Variants in HIVEP2 observed in about 807,000 individuals in gnomAD.
The protein encoded by HIVEP2 is transcription factor HIVEP2.
HIVEP2 carries 14 observed loss-of-function variants against 180.7 expected under a neutral mutation model. The observed-to-expected ratio is 0.08, with a 90% CI of 0.05 to 0.12. The LOEUF is 0.12. HIVEP2 is among the 10% of genes least tolerant of loss of function. The pLI is 1.00. For missense variants in HIVEP2, 2,579 were observed against 3,008.5 expected (o/e 0.86, Z 3.34); for synonymous variants, 1,184 against 1,136.4 (o/e 1.04, Z -0.84).
intron 2 of HIVEP2, among the ~76,000 whole-genome samples, chr6:142,825,972 A>T (rs1774888664): frequency 6.6e-6 from 1 of 152,132 alleles, no homozygotes; most frequent in South Asian, 2.1e-4. Flanking sequence ...TTTAAAATAA[A>T]GCAATAAATA....
At chr6:142,825,049 T>C (rs544078961) in intron 2 of HIVEP2, among the ~76,000 whole-genome samples, 87 of 152,308 alleles carry the variant, frequency 5.7e-4, no homozygotes, top group Non-Finnish European at 1.1e-3. Flanking sequence ...ACAAATCTTG[T>C]AGCAAGTTTT....
intron 1 of HIVEP2, among the ~76,000 whole-genome samples, chr6:142,855,103 G>T (rs1775784827): frequency 6.6e-6 from 1 of 152,210 alleles, no homozygotes; most frequent in Admixed American, 6.5e-5. Context: ...TGGCTCCAAA[G>T]AAAGTAGGTA....
intron 1 of HIVEP2, among the ~76,000 whole-genome samples, chr6:142,868,666 A>C (rs966964085): frequency 1.2e-4 from 18 of 152,316 alleles, no homozygotes; most frequent in African/African-American, 3.6e-4. Context: ...TCCATCTTTG[A>C]AAGTTTTTAA....
chr6:142,868,837 A>G (rs1776212139), intron 1 of HIVEP2, among the ~76,000 whole-genome samples: 1 of 152,238 alleles, frequency 6.6e-6, no homozygotes, highest in Admixed American at 6.5e-5. Context: ...CACTTATCCT[A>G]ACCCATGTTG....
At chr6:142,834,149 T>A (rs1775164647) in intron 2 of HIVEP2, among the ~76,000 whole-genome samples, 1 of 152,094 alleles carries the variant, frequency 6.6e-6, no homozygotes, top group Non-Finnish European at 1.5e-5. Flanking sequence ...TAGAATGAAT[T>A]AAAAGGGTTT....
At chr6:142,824,036 T>C (rs796414228) in intron 2 of HIVEP2, among the ~76,000 whole-genome samples, 1 of 152,178 alleles carries the variant, frequency 6.6e-6, no homozygotes, top group South Asian at 2.1e-4. Context: ...TTATTCTAAT[T>C]TACATATATG....
At chr6:142,837,200 C>T (rs1196640855) in intron 1 of HIVEP2, among the ~76,000 whole-genome samples, 153 bp from the exon 2 acceptor site, 1 of 152,000 alleles carries the variant, frequency 6.6e-6, no homozygotes, top group African/African-American at 2.4e-5. Context: ...ACAACAAAAG[C>T]GTCTAGGAAT....
At chr6:142,799,273 C>T (rs1776351529) in intron 2 of HIVEP2, among the ~76,000 whole-genome samples, 1 of 152,082 alleles carries the variant, frequency 6.6e-6, no homozygotes, top group Non-Finnish European at 1.5e-5. Context: ...TGTATTATGT[C>T]ATAATGACTA....
At chr6:142,915,503 T>G (rs1777528193) in intron 1 of HIVEP2, among the ~76,000 whole-genome samples, 1 of 152,134 alleles carries the variant, frequency 6.6e-6, no homozygotes, top group Non-Finnish European at 1.5e-5. Flanking sequence ...ACTTGCAGCC[T>G]CCAGAACTGT....
intron 2 of HIVEP2, among the ~76,000 whole-genome samples, chr6:142,824,829 A>T (rs1326365549): frequency 6.6e-6 from 1 of 152,186 alleles, no homozygotes; most frequent in African/African-American, 2.4e-5. Context: ...CTTAGGGGTG[A>T]GGGAGGGGTG....
At chr6:142,796,474 G>T (rs1012817179) in intron 2 of HIVEP2, among the ~76,000 whole-genome samples, 1 of 152,108 alleles carries the variant, frequency 6.6e-6, no homozygotes, top group Non-Finnish European at 1.5e-5. Context: ...TAGAAAAAAT[G>T]TTATTAAGAA....
chr6:142,818,666 C>CA (rs1159524001), intron 2 of HIVEP2, among the ~76,000 whole-genome samples: 10 of 22,570 alleles, frequency 4.4e-4, no homozygotes, highest in Admixed American at 8.1e-4. Flanking sequence ...AAAACTCTGT[C>CA]AAAAAAAAAA....
At chr6:142,853,368 G>T (rs948082441) in intron 1 of HIVEP2, among the ~76,000 whole-genome samples, 19 of 152,272 alleles carry the variant, frequency 1.2e-4, no homozygotes, top group East Asian at 9.7e-4. Context: ...CTTGTAACAG[G>T]TGCTAGCACC....
intron 2 of HIVEP2, among the ~76,000 whole-genome samples, chr6:142,829,560 G>A (rs1234236944): frequency 1.3e-5 from 2 of 152,168 alleles, no homozygotes; most frequent in African/African-American, 2.4e-5. Context: ...GTACTAGTCC[G>A]ATTTCTATTT....
chr6:142,837,729 T>C (rs554565357), intron 1 of HIVEP2, among the ~76,000 whole-genome samples: 1 of 152,190 alleles, frequency 6.6e-6, no homozygotes, highest in Admixed American at 6.6e-5. Context: ...AACATTAAAT[T>C]ACTATCTCAG....
intron 6 of HIVEP2, among the ~76,000 whole-genome samples, chr6:142,767,252 T>TA (rs1354736745): frequency 1.3e-5 from 2 of 152,166 alleles, no homozygotes; most frequent in African/African-American, 4.8e-5. Context: ...TGAGGAGAGA[T>TA]AAAATCTATA....
intron 1 of HIVEP2, among the ~76,000 whole-genome samples, chr6:142,889,002 G>A (rs1366659423): frequency 2.0e-5 from 3 of 152,160 alleles, no homozygotes; most frequent in African/African-American, 4.8e-5. Context: ...TCTTGTATCA[G>A]AGATTACACT....
At chr6:142,834,246 A>G (rs1775167538) in intron 2 of HIVEP2, among the ~76,000 whole-genome samples, 2 of 152,238 alleles carry the variant, frequency 1.3e-5, no homozygotes, top group South Asian at 4.1e-4. Flanking sequence ...AGATAAACAG[A>G]TGAAGAAAAG....
At position 142,912,691 on chromosome 6, in the gene HIVEP2, C is replaced by T. The variant is rs564927300; in HGVS notation, c.-641+32408G>A. Among the ~76,000 whole-genome samples, 12 of 152,342 alleles carry T rather than the reference C, an allele frequency of 7.9e-5. No homozygotes were observed. The South Asian group carries it at 1.0e-3, about 13-fold the overall frequency. On this transcript the variant is annotated intron_variant, in intron 1 of 9. Transcript: ENST00000367603. ...GGAGCGTGAAACCGACTGTGAACCG[C>T]GCATGCGAGGGATCTAGGTTGCATG...
Sources: allele counts gnomAD v4.1 joint callset (sites outside exome capture counted in the v4.1 genomes callset), GRCh38; gene constraint gnomAD v4.1.1; transcripts MANE v1.5; gene names NCBI Gene and HGNC (gene_info 2026-07-23, HGNC 2026-07-21).